Variants in SLC25A21 observed in about 807,000 individuals in gnomAD.
SLC25A21 encodes solute carrier family 25 member 21.
A neutral mutation model predicts 43.8 loss-of-function variants in SLC25A21; 47 were observed. That is an observed-to-expected ratio of 1.07 (90% CI 0.85 to 1.37). The LOEUF is 1.37. Ranked by LOEUF, SLC25A21 falls within the 40% of genes most tolerant of loss-of-function variation. The probability of loss-of-function intolerance (pLI) is 0.00; values close to 1 mark genes in which losing one functional copy is unlikely to be tolerated. For synonymous variants in SLC25A21, 131 were observed against 121.3 expected (o/e 1.08, Z -0.52); for missense variants, 352 against 350.2 (o/e 1.00, Z -0.04).
At chr14:36,979,508 G>A (rs1212705415) in intron 1 of SLC25A21, among the ~76,000 whole-genome samples, 1 of 151,868 alleles carries the variant, frequency 6.6e-6, no homozygotes, top group African/African-American at 2.4e-5. Context: ...GGTGTGCGCT[G>A]CCACACCTGG....
At chr14:36,942,823 C>T (rs1007225779) in intron 1 of SLC25A21, among the ~76,000 whole-genome samples, 1 of 152,164 alleles carries the variant, frequency 6.6e-6, no homozygotes, top group Non-Finnish European at 1.5e-5. Context: ...CCAAATAGTA[C>T]TTATACTACT....
chr14:36,699,346 T>C (rs1883177774), intron 7 of SLC25A21, among the ~76,000 whole-genome samples: 1 of 152,054 alleles, frequency 6.6e-6, no homozygotes, highest in Non-Finnish European at 1.5e-5. Context: ...TGGCCACCTA[T>C]ATGAGGGGTC....
chr14:36,686,763 A>G (rs1882568727), intron 7 of SLC25A21, among the ~76,000 whole-genome samples: 1 of 152,114 alleles, frequency 6.6e-6, no homozygotes, highest in Admixed American at 6.5e-5. Flanking sequence ...ATTTGTATAC[A>G]CGTTGTCCTT....
rs556397858 is a variant in SLC25A21 at position 36,973,718 on chromosome 14, A to C, written c.71-98714T>G. Among the ~76,000 whole-genome samples, 4 of 152,342 alleles carry C rather than the reference A, an allele frequency of 2.6e-5. No individual in the cohort carries two copies. The East Asian group carries it at 7.7e-4, about 29-fold the overall frequency. On this transcript the variant is annotated intron_variant, in intron 1 of 9. Coordinates refer to ENST00000331299, the MANE Select transcript of SLC25A21 (RefSeq NM_030631.4). ...GTACAACAAATTCTCATACGTGGTTAAGTCAATCCAGTTAGGTTGTAAAAT... is the reference window on the plus strand; with the variant it reads ...GTACAACAAATTCTCATACGTGGTTCAGTCAATCCAGTTAGGTTGTAAAAT...
intron 1 of SLC25A21, among the ~76,000 whole-genome samples, chr14:36,934,064 A>G (rs1892358326): frequency 6.6e-6 from 1 of 152,212 alleles, no homozygotes; most frequent in Non-Finnish European, 1.5e-5. Flanking sequence ...TTAATTAGAA[A>G]AAAATATCAA....
intron 3 of SLC25A21, among the ~76,000 whole-genome samples, chr14:36,808,443 T>C (rs958171127): frequency 2.0e-5 from 3 of 152,150 alleles, no homozygotes; most frequent in African/African-American, 7.2e-5. Flanking sequence ...CTTTCATACA[T>C]TACTTGAAGG....
At chr14:36,972,606 T>C (rs183430787) in intron 1 of SLC25A21, among the ~76,000 whole-genome samples, 13 of 152,196 alleles carry the variant, frequency 8.5e-5, no homozygotes, top group Non-Finnish European at 1.5e-4. Context: ...AAATGGTATC[T>C]GAGAAGGCCA....
chr14:36,972,260 C>A (rs1204192979), intron 1 of SLC25A21, among the ~76,000 whole-genome samples: 1 of 152,116 alleles, frequency 6.6e-6, no homozygotes, highest in African/African-American at 2.4e-5. Context: ...TAAGTACCCT[C>A]TATGATGTGT....
chr14:36,873,430 G>A (rs1389199271), intron 2 of SLC25A21, among the ~76,000 whole-genome samples: 4 of 151,976 alleles, frequency 2.6e-5, no homozygotes, highest in Non-Finnish European at 5.9e-5. Context: ...TGAGTAGCTC[G>A]GATTACAGGG....
At chr14:36,883,160 T>G (rs1202239452) in intron 1 of SLC25A21, among the ~76,000 whole-genome samples, 3 of 152,110 alleles carry the variant, frequency 2.0e-5, no homozygotes, top group Non-Finnish European at 4.4e-5. Context: ...TGGCTCCCCA[T>G]TATATTCAGA....
At chr14:37,117,295 G>C (rs558137755) in intron 1 of SLC25A21, among the ~76,000 whole-genome samples, 37 of 152,186 alleles carry the variant, frequency 2.4e-4, no homozygotes, top group Middle Eastern at 6.8e-3. Context: ...CTTAGCAGTA[G>C]CTTATTGCCC....
chr14:36,923,331 C>T (rs1454743027), intron 1 of SLC25A21, among the ~76,000 whole-genome samples: 2 of 152,162 alleles, frequency 1.3e-5, no homozygotes, highest in East Asian at 1.9e-4. Context: ...AAATATGCCA[C>T]AGAAAAATAT....
chr14:36,752,250 G>A (rs1160411929), intron 3 of SLC25A21, among the ~76,000 whole-genome samples: 2 of 152,166 alleles, frequency 1.3e-5, no homozygotes, highest in Non-Finnish European at 1.5e-5. Context: ...AAAATAACAA[G>A]TGTTGGAAAA....
chr14:37,091,469 C>A (rs572181508), intron 1 of SLC25A21, among the ~76,000 whole-genome samples: 2 of 151,320 alleles, frequency 1.3e-5, no homozygotes, highest in East Asian at 3.9e-4. Context: ...CACTTCTGCA[C>A]AATGGCTTGG....
chr14:36,701,594 T>C lies in SLC25A21; in HGVS notation c.603+9724A>G, dbSNP rs982623828. Among the ~76,000 whole-genome samples the C allele has an allele frequency of 4.6e-5, 7 of 152,192 alleles. 1 individual carries two copies. The highest frequency in any genetic ancestry group is 7.3e-5 in the Non-Finnish European group (5 of 68,036). ...GCTCAAATTATAAAATATACATATA[T>C]ATAATGTCAAAATGGATTATGGTTT... On this transcript the variant is annotated intron_variant, in intron 7 of 9. Transcript: ENST00000331299.
intron 2 of SLC25A21, among the ~76,000 whole-genome samples, chr14:36,850,557 G>T (rs1889694311): frequency 6.6e-6 from 1 of 152,152 alleles, no homozygotes; most frequent in Admixed American, 6.6e-5. Context: ...TCAGACCTCA[G>T]ATTTGACTGT....
chr14:37,127,331 A>C (rs1963314479), intron 1 of SLC25A21, among the ~76,000 whole-genome samples: 1 of 152,196 alleles, frequency 6.6e-6, no homozygotes. Flanking sequence ...CAAACACCAC[A>C]AATTTCCACT....
chr14:36,958,590 C>T (rs2138670740), intron 1 of SLC25A21, among the ~76,000 whole-genome samples: 1 of 152,136 alleles, frequency 6.6e-6, no homozygotes, highest in East Asian at 1.9e-4. Flanking sequence ...GGTGTTGAGG[C>T]CTTACCCAGA....
At chr14:36,942,559 G>A (rs970815540) in intron 1 of SLC25A21, among the ~76,000 whole-genome samples, 3 of 152,184 alleles carry the variant, frequency 2.0e-5, no homozygotes, top group Non-Finnish European at 4.4e-5. Context: ...TCCTAACTAT[G>A]CAACCAAATG....
Sources: gnomAD v4.1 joint callset for allele counts (sites outside exome capture counted in the v4.1 genomes callset) on GRCh38, gnomAD v4.1.1 for gene constraint, MANE v1.5 for transcripts, NCBI Gene and HGNC (gene_info 2026-07-23, HGNC 2026-07-21) for gene names.